Variants in ACTN4 observed in about 807,000 individuals in gnomAD.
ACTN4 encodes the protein alpha-actinin-4.
A neutral mutation model predicts 114.2 loss-of-function variants in ACTN4; 18 were observed. That is an observed-to-expected ratio of 0.16 (90% CI 0.11 to 0.23). ACTN4 has a LOEUF of 0.23. ACTN4 is among the 10% of genes least tolerant of loss of function. The probability of loss-of-function intolerance (pLI) is 1.00; values close to 1 mark genes in which losing one functional copy is unlikely to be tolerated. For synonymous variants in ACTN4, 515 were observed against 506.3 expected, an observed-to-expected ratio of 1.02 and a Z score of -0.23; for missense variants, 722 against 1,262.9, an observed-to-expected ratio of 0.57 and a Z score of 6.49.
In ACTN4 at chr19:38,731,075, C is replaced by T. The variant is rs1279265634; in HGVS notation, c.*1643C>T. ...CCCACCAGTCCCCGTACCCCTTCCC[C>T]CCATGCCCCACCATGCCGGGGTGGT... On this transcript the variant is annotated 3_prime_UTR_variant, in exon 21 of 21. Coordinates refer to ENST00000252699, the MANE Select transcript of ACTN4 (RefSeq NM_004924.6). 26 of 1,587,914 alleles carry T rather than the reference C, an allele frequency of 1.6e-5. No homozygotes were observed. In the East Asian group the frequency reaches 4.2e-4, roughly 25 times the overall value.
At chr19:38,663,463 C>T (rs1976952603) in intron 1 of ACTN4, among the ~76,000 whole-genome samples, 1 of 152,130 alleles carries the variant, frequency 6.6e-6, no homozygotes, top group Non-Finnish European at 1.5e-5. Flanking sequence ...GGACACTAAA[C>T]GGCACACCGA....
intron 1 of ACTN4, among the ~76,000 whole-genome samples, chr19:38,691,413 A>C (rs1165468348): frequency 8.2e-5 from 12 of 147,012 alleles, no homozygotes; most frequent in East Asian, 4.0e-4. Context: ...AAAAAAAAAA[A>C]ACAAAAAAAA....
At chr19:38,711,712 C>A (rs1430159469) in intron 8 of ACTN4, among the ~76,000 whole-genome samples, 1 of 152,240 alleles carries the variant, frequency 6.6e-6, no homozygotes, top group Non-Finnish European at 1.5e-5. Flanking sequence ...CCCTGTCCAT[C>A]ATCTGCACCA....
At chr19:38,721,087 G>A (rs75304766) in intron 11 of ACTN4, among the ~76,000 whole-genome samples, 63 of 152,336 alleles carry the variant, frequency 4.1e-4, no homozygotes, top group African/African-American at 1.5e-3. Context: ...CACCTGTGCG[G>A]GTGCAGGGTC....
intron 4 of ACTN4, 149 bp from the exon 5 acceptor site, chr19:38,705,895 G>T: frequency 1.3e-6 from 1 of 743,082 alleles, no homozygotes; most frequent in Non-Finnish European, 2.4e-6. Context: ...CTGTCCCGCT[G>T]CTATCACTGC....
At chr19:38,697,004 C>T (rs1043418558) in intron 1 of ACTN4, among the ~76,000 whole-genome samples, 2 of 152,252 alleles carry the variant, frequency 1.3e-5, no homozygotes, top group African/African-American at 4.8e-5. Context: ...ATCTTAACCT[C>T]TCGGTTACTG....
intron 7 of ACTN4, among the ~76,000 whole-genome samples, chr19:38,709,747 A>C (rs1050793788): frequency 9.9e-5 from 15 of 152,118 alleles, no homozygotes; most frequent in Non-Finnish European, 2.1e-4. Flanking sequence ...AACTCTCCTG[A>C]GGGTGCATCT....
Position 38,714,523 on chromosome 19 carries a change from G to A in ACTN4, c.874G>A (p.Glu292Lys). 3 of 1,613,944 alleles carry A rather than the reference G, an allele frequency of 1.9e-6. No homozygotes were observed. The highest frequency in any genetic ancestry group is 2.5e-6 in the Non-Finnish European group (3 of 1,180,024). ...CKVLAVNQEN[E>K]HLMEDYEKLA... ...GGTGCTGGCTGTCAACCAAGAGAAC[G>A]AGCACCTGATGGAGGACTACGAGAA... The change falls in exon 9 of 21, where the codon GAG becomes AAG. Residue 292 changes from glutamate (E) to lysine (K), a missense_variant. Physicochemically the swap from Glu to Lys is moderately conservative, Grantham distance 56. Coordinates refer to ENST00000252699, the MANE Select transcript of ACTN4 (RefSeq NM_004924.6).
At chr19:38,728,095 C>T (rs988172532) in intron 19 of ACTN4, 69 bp downstream of exon 19, 1 of 1,528,842 alleles carries the variant, frequency 6.5e-7, no homozygotes, top group Admixed American at 1.9e-5. Context: ...TTCTCTCTTT[C>T]TCCCCTCGCC....
In ACTN4 at chr19:38,717,428, G is replaced by A; in HGVS notation, c.1143+112G>A. 1.4e-6 allele frequency: 2 copies of A among 1,404,076 alleles called. No individual in the cohort carries two copies. Among genetic ancestry groups the A allele is most frequent in the African/African-American group, 1.4e-5 (1 of 70,224 alleles). The allele number at this position is 1,404,076 out of a possible 1,614,324, so 87.0% of individuals were successfully genotyped here. On this transcript the variant is annotated intron_variant, in intron 10 of 20. Transcript: ENST00000252699. This position sits in a 1 kb window ranked among gnomAD's most constrained non-coding sequence, Gnocchi z 4.0. ...TTCCTAAGTTGTTGATGTCCTGTGG[G>A]ACATGGCATGGCCTTTCGGATGCAG...
intron 2 of ACTN4, 56 bp from the exon 3 acceptor site, chr19:38,700,946 C>G (rs1330204758): frequency 9.3e-6 from 15 of 1,604,548 alleles, no homozygotes; most frequent in Non-Finnish European, 1.2e-5. Flanking sequence ...CTCTCGCCCT[C>G]TCTCCCTTTC....
chr19:38,730,004 A>C lies in ACTN4; in HGVS notation c.*572A>C, dbSNP rs1969432706. 3.3e-6 allele frequency: 1 copy of C among 301,758 alleles called. No individual in the cohort carries two copies. The highest frequency in any genetic ancestry group is 6.5e-6 in the Non-Finnish European group (1 of 154,794). 18.7% of individuals were successfully genotyped at this position (301,758 alleles called of 1,614,324 possible). Reference sequence around the variant, plus strand: ...TTTGCAGCAGAGGAGCTGAGTTGGCAGACCGGGCCCCCCTGAACCGCACCC... The same window carrying C: ...TTTGCAGCAGAGGAGCTGAGTTGGCCGACCGGGCCCCCCTGAACCGCACCC... On this transcript the variant is annotated 3_prime_UTR_variant, in exon 21 of 21. Transcript: ENST00000252699.
intron 1 of ACTN4, among the ~76,000 whole-genome samples, chr19:38,672,619 G>C (rs1967166989): frequency 6.6e-6 from 1 of 151,576 alleles, no homozygotes; most frequent in Non-Finnish European, 1.5e-5. Flanking sequence ...TGTTGCCCAG[G>C]CTGGAGTGTA....
intron 1 of ACTN4, among the ~76,000 whole-genome samples, chr19:38,673,765 A>T (rs972818899): frequency 8.3e-6 from 1 of 120,126 alleles, no homozygotes; most frequent in Non-Finnish European, 1.6e-5. Context: ...TTTTATATAT[A>T]TATATTTATA....
intron 1 of ACTN4, among the ~76,000 whole-genome samples, chr19:38,698,704 G>C (rs1456946588): frequency 6.6e-6 from 1 of 152,164 alleles, no homozygotes; most frequent in Non-Finnish European, 1.5e-5. Context: ...ACCAGGAGGG[G>C]TCTCTGTCTC....
At chr19:38,704,891 G>T (rs768300683) in intron 3 of ACTN4, 43 bp from the exon 4 acceptor site, 3 of 1,594,166 alleles carry the variant, frequency 1.9e-6, no homozygotes. Context: ...CCTCACTCTG[G>T]TTTTAACGAC....
At chr19:38,668,479 A>G (rs1967031468) in intron 1 of ACTN4, among the ~76,000 whole-genome samples, 1 of 152,154 alleles carries the variant, frequency 6.6e-6, no homozygotes, top group Admixed American at 6.5e-5. Context: ...CGAGGTCGGG[A>G]GTTTGAGACC....
rs35906770 is a variant in ACTN4, at chr19:38,681,129, G to GAA, written c.163-19448_163-19447dup. Among the ~76,000 whole-genome samples, 581 of 69,234 alleles carry GAA rather than the reference G, an allele frequency of 8.4e-3. 22 individuals carry two copies. The highest frequency in any genetic ancestry group is 0.012 in the Non-Finnish European group (463 of 40,082). The allele number at this position is 69,234 out of a possible 152,430, so 45.4% of individuals were successfully genotyped here. ...TGACAGAGTGAGACTCCAATCTCTAGAAAAAAAAAAAAAAAAAAAAAAAAG... is the reference window on the plus strand; with the variant it reads ...TGACAGAGTGAGACTCCAATCTCTAGAAAAAAAAAAAAAAAAAAAAAAAAAAG... On this transcript the variant is annotated intron_variant, in intron 1 of 20. Coordinates refer to ENST00000252699, the MANE Select transcript of ACTN4 (RefSeq NM_004924.6).
In ACTN4 at chr19:38,657,917, A is replaced by G. The variant is rs191157333; in HGVS notation, c.162+10010A>G. ...TATGTGTAACGGTTAACAAATTACT[A>G]TTCTATGATCAATCTCCATCTGGGT... On this transcript the variant is annotated intron_variant, in intron 1 of 20. Transcript: ENST00000252699. 1.1e-3 allele frequency among the ~76,000 whole-genome samples: 171 copies of G among 152,320 alleles called. 3 individuals carry two copies. The highest frequency in any genetic ancestry group is 0.01 in the Admixed American group (159 of 15,302).
Sources: gnomAD v4.1 joint callset for allele counts (sites outside exome capture counted in the v4.1 genomes callset) on GRCh38, gnomAD v4.1.1 for gene constraint, Gnocchi (gnomAD v3.1) non-coding constraint, MANE v1.5 for transcripts, NCBI Gene and HGNC (gene_info 2026-07-23, HGNC 2026-07-21) for gene names.